The following ZFPM2 variants were observed in gnomAD, a reference collection of about 807,000 sequenced individuals.
ZFPM2 encodes zinc finger protein ZFPM2.
ZFPM2 carries 20 observed loss-of-function variants against 98.6 expected under a neutral mutation model. That is an observed-to-expected ratio of 0.20 (90% CI 0.14 to 0.29). The LOEUF (loss-of-function observed/expected upper bound fraction) is 0.29. Among genes scored for constraint, ZFPM2 ranks in the 10% least tolerant of loss-of-function variants. The pLI, the probability that ZFPM2 is intolerant of heterozygous loss-of-function variation, is 1.00. For synonymous variants in ZFPM2, 518 were observed against 502.7 expected (o/e 1.03, Z -0.41); for missense variants, 1,310 against 1,388.6 (o/e 0.94, Z 0.90).
At chr8:105,549,520 T>TCCC in intron 3 of ZFPM2, among the ~76,000 whole-genome samples, 1 of 96,276 alleles carries the variant, frequency 1.0e-5, no homozygotes, top group African/African-American at 4.1e-5. Flanking sequence ...CCCTCCCATC[T>TCCC]TCCTTCCTTC....
intron 4 of ZFPM2, among the ~76,000 whole-genome samples, chr8:105,581,995 G>C (rs1815612505): frequency 6.6e-6 from 1 of 152,156 alleles, no homozygotes; most frequent in Non-Finnish European, 1.5e-5. Flanking sequence ...ATGCCTGTTA[G>C]GATCAGACAT....
chr8:105,738,610 A>G (rs1400232558), intron 5 of ZFPM2, among the ~76,000 whole-genome samples: 1 of 152,038 alleles, frequency 6.6e-6, no homozygotes, highest in East Asian at 1.9e-4. Context: ...GTTTTCTGCA[A>G]TGGTTGAACT....
intron 4 of ZFPM2, among the ~76,000 whole-genome samples, chr8:105,587,373 C>G (rs891090244): frequency 1.3e-5 from 2 of 149,688 alleles, no homozygotes; most frequent in Non-Finnish European, 3.0e-5. Flanking sequence ...TCTCATAGCA[C>G]TAAAATAAAC....
intron 3 of ZFPM2, among the ~76,000 whole-genome samples, chr8:105,465,887 TG>T (rs1812787480): frequency 6.6e-6 from 1 of 151,990 alleles, no homozygotes. Flanking sequence ...GATGACAACT[TG>T]TTAAGGGAAA....
At chr8:105,572,872 G>A (rs1172751751) in intron 4 of ZFPM2, among the ~76,000 whole-genome samples, 1 of 152,106 alleles carries the variant, frequency 6.6e-6, no homozygotes, top group Non-Finnish European at 1.5e-5. Context: ...AATAATTTCA[G>A]CGTCTTCTGT....
intron 3 of ZFPM2, among the ~76,000 whole-genome samples, chr8:105,538,364 T>C (rs1346976963): frequency 2.6e-5 from 4 of 152,190 alleles, no homozygotes; most frequent in African/African-American, 9.6e-5. Flanking sequence ...CGTCTTCAAT[T>C]CAATGGAAGG....
chr8:105,563,135 C>T (rs1815174035), intron 4 of ZFPM2, among the ~76,000 whole-genome samples: 3 of 152,128 alleles, frequency 2.0e-5, no homozygotes, highest in Admixed American at 1.3e-4. Flanking sequence ...TAAGAACTCC[C>T]AGAGGGGTTT....
chr8:105,768,263 C>G (rs564997834), intron 5 of ZFPM2, among the ~76,000 whole-genome samples: 1 of 151,994 alleles, frequency 6.6e-6, no homozygotes, highest in South Asian at 2.1e-4. Flanking sequence ...CTAGATATAA[C>G]ACTATTAATA....
rs770366065 is a variant in ZFPM2 at position 105,580,799 on chromosome 8, TTCTCTC to T, written c.420+19342_420+19347del. ...GTAACAGTGCAAGTAATAATCATCA[TTCTCTC>T]TCTCTCTCTCTCTCTCTCTCTCTAT... On this transcript the variant is annotated intron_variant, in intron 4 of 7. Coordinates refer to ENST00000407775, the MANE Select transcript of ZFPM2 (RefSeq NM_012082.4). 1.4e-3 allele frequency among the ~76,000 whole-genome samples: 195 copies of T among 142,946 alleles called. 1 individual carries two copies. Among genetic ancestry groups the T allele is most frequent in the African/African-American group, 3.9e-3 (151 of 38,304 alleles). 93.8% of individuals were successfully genotyped at this position (142,946 alleles called of 152,430 possible).
chr8:105,758,078 A>G (rs973797420), intron 5 of ZFPM2, among the ~76,000 whole-genome samples: 2 of 152,106 alleles, frequency 1.3e-5, no homozygotes, highest in African/African-American at 4.8e-5. Context: ...ACCTGTGACA[A>G]TGACAACCTG....
chr8:105,615,537 C>T (rs1191488178), intron 4 of ZFPM2, among the ~76,000 whole-genome samples: 8 of 152,022 alleles, frequency 5.3e-5, no homozygotes, highest in Admixed American at 5.2e-4. Flanking sequence ...GAGTGGGGCA[C>T]CTTTTTGCCA....
chr8:105,668,405 T>A (rs1300267903), intron 5 of ZFPM2, among the ~76,000 whole-genome samples: 1 of 152,180 alleles, frequency 6.6e-6, no homozygotes, highest in African/African-American at 2.4e-5. Context: ...ATGGAAAAGA[T>A]GACTGAGCTG....
At chr8:105,476,977 A>G (rs1045543323) in intron 3 of ZFPM2, among the ~76,000 whole-genome samples, 2 of 152,098 alleles carry the variant, frequency 1.3e-5, no homozygotes, top group Non-Finnish European at 2.9e-5. Context: ...AATACTCACA[A>G]ACTGGATGTT....
chr8:105,688,853 T>C lies in ZFPM2; in HGVS notation c.532+54496T>C, dbSNP rs559124619. ...TTGTCTATTATGTACATAGTAAGCA[T>C]AAATTACTCAGAAATATTGTATTAA... On this transcript the variant is annotated intron_variant, in intron 5 of 7. Coordinates refer to ENST00000407775, the MANE Select transcript of ZFPM2 (RefSeq NM_012082.4). 8.5e-5 allele frequency among the ~76,000 whole-genome samples: 13 copies of C among 152,286 alleles called. No individual in the cohort carries two copies. In the East Asian group the frequency reaches 1.2e-3, roughly 14 times the overall value.
At chr8:105,428,338 C>T (rs768312710) in intron 2 of ZFPM2, among the ~76,000 whole-genome samples, 1 of 152,128 alleles carries the variant, frequency 6.6e-6, no homozygotes, top group Non-Finnish European at 1.5e-5. Context: ...TAAAATATTT[C>T]TATCTTTTGG....
intron 1 of ZFPM2, among the ~76,000 whole-genome samples, chr8:105,356,139 C>T (rs541574007): frequency 1.3e-5 from 2 of 152,278 alleles, no homozygotes; most frequent in African/African-American, 4.8e-5. Flanking sequence ...AGAATTCCTC[C>T]TTTTCTTGTC....
rs1813367258 is a variant in ZFPM2, at chr8:105,492,106, G to A, written c.301+47725G>A. 2.6e-5 allele frequency among the ~76,000 whole-genome samples: 4 copies of A among 152,018 alleles called. No homozygotes were observed. The South Asian group carries it at 8.3e-4, about 32-fold the overall frequency. On this transcript the variant is annotated intron_variant, in intron 3 of 7. Transcript: ENST00000407775. ...TACAAACATCAACAATAATCCTTAT[G>A]GAAGAGATAAATCAATTTAACAAAC...
chr8:105,788,654 C>T, intron 5 of ZFPM2, 64 bp from the exon 6 acceptor site: 3 of 1,488,200 alleles, frequency 2.0e-6, no homozygotes, highest in Non-Finnish European at 2.8e-6. Context: ...GGACATCAAT[C>T]TAGTTTACAA....
At chr8:105,732,183 A>G (rs1350629949) in intron 5 of ZFPM2, among the ~76,000 whole-genome samples, 2 of 151,768 alleles carry the variant, frequency 1.3e-5, no homozygotes, top group Non-Finnish European at 2.9e-5. Context: ...ACATATTCAT[A>G]TTCCTATGCA....
Sources: gnomAD v4.1 joint callset for allele counts (sites outside exome capture counted in the v4.1 genomes callset) on GRCh38, gnomAD v4.1.1 for gene constraint, MANE v1.5 for transcripts, NCBI Gene and HGNC (gene_info 2026-07-23, HGNC 2026-07-21) for gene names.